PPP6R3: variants seen among roughly 807,000 people sequenced by gnomAD.
The protein encoded by PPP6R3 is protein phosphatase 6 regulatory subunit 3, also known as serine/threonine-protein phosphatase 6 regulatory subunit 3.
A neutral mutation model predicts 110.7 loss-of-function variants in PPP6R3; 38 were observed. The observed-to-expected ratio is 0.34, with a 90% confidence interval of 0.26 to 0.45. The LOEUF (loss-of-function observed/expected upper bound fraction) is 0.45, where lower values mean the gene tolerates loss of function less well. Among genes scored for constraint, PPP6R3 ranks in the 20% least tolerant of loss-of-function variants. The pLI, the probability that PPP6R3 is intolerant of heterozygous loss-of-function variation, is 1.00. For synonymous variants in PPP6R3, 369 were observed against 373.5 expected (o/e 0.99, Z 0.14); for missense variants, 870 against 1,062.4 (o/e 0.82, Z 2.52).
chr11:68,612,432 C>T (rs999528908), intron 23 of PPP6R3, among the ~76,000 whole-genome samples: 8 of 152,144 alleles, frequency 5.3e-5, no homozygotes, highest in Non-Finnish European at 1.0e-4. Flanking sequence ...TCAAGCCTTC[C>T]CGAATAGGTT....
chr11:68,470,868 G>A (rs1328549189), intron 1 of PPP6R3, among the ~76,000 whole-genome samples: 1 of 152,184 alleles, frequency 6.6e-6, no homozygotes, highest in Non-Finnish European at 1.5e-5. Flanking sequence ...GCGTGTGGAA[G>A]TAAGATCAGG....
At chr11:68,546,936 G>A (rs2099351497) in intron 4 of PPP6R3, among the ~76,000 whole-genome samples, 1 of 152,078 alleles carries the variant, frequency 6.6e-6, no homozygotes. Context: ...AAAACTTGTG[G>A]GATCCAATTG....
chr11:68,603,382 G>A lies in PPP6R3; in HGVS notation c.2340G>A (p.Glu780=). ...CCATGGAAGCCAGCTCTGACGGAGA[G>A]GAGGATGCAGAAAGTACAGACAAGG... ...SVAMEASSDG[E]EDAESTDKVT... The change falls in exon 22 of 24, where the codon GAG becomes GAA. Residue 780 remains glutamate, a synonymous_variant. Coordinates refer to ENST00000393800, the MANE Select transcript of PPP6R3 (RefSeq NM_001164161.2). The A allele has an allele frequency of 6.2e-7, 1 of 1,614,040 alleles. No individual in the cohort carries two copies. The highest frequency in any genetic ancestry group is 1.1e-5 in the South Asian group (1 of 91,082).
At chr11:68,602,050 C>A in intron 21 of PPP6R3, 81 bp downstream of exon 21, 1 of 1,122,148 alleles carries the variant, frequency 8.9e-7, no homozygotes, top group Non-Finnish European at 1.3e-6. Context: ...GGCTCAGGGG[C>A]TAGTGGAGCC....
chr11:68,482,452 G>GGT (rs1464923329), intron 1 of PPP6R3, among the ~76,000 whole-genome samples: 1 of 151,156 alleles, frequency 6.6e-6, no homozygotes, highest in Non-Finnish European at 1.5e-5. Context: ...CATAGAAAAT[G>GGT]ACTTTGGGTA....
At chr11:68,582,990 A>G in intron 14 of PPP6R3, 53 bp from the exon 15 acceptor site, 2 of 1,221,522 alleles carry the variant, frequency 1.6e-6, no homozygotes, top group Non-Finnish European at 2.3e-6. Flanking sequence ...TGCTGATACA[A>G]ATGTCCAAAA....
rs750084145 is a variant in PPP6R3 at position 68,588,018 on chromosome 11, T to C, written c.1724T>C (p.Ile575Thr). 6.2e-7 allele frequency: 1 copy of C among 1,613,198 alleles called. No individual in the cohort carries two copies. The highest frequency in any genetic ancestry group is 8.5e-7 in the Non-Finnish European group (1 of 1,179,108). ...GAGAAGTTTGCAGATCAAGATGACA[T>C]TGGCAAGTGAGTATGTTTTTCTGTT... ...NDEKFADQDDIGNVSFDRVSD... is the reference protein window; with the variant it reads ...NDEKFADQDDTGNVSFDRVSD... Residue 575 changes from isoleucine to threonine, a missense_variant, in exon 16 of 24, where the codon ATT becomes ACT. Ile to Thr is a moderately conservative substitution (Grantham distance 89). Transcript: ENST00000393800.
intron 1 of PPP6R3, among the ~76,000 whole-genome samples, chr11:68,498,673 A>G (rs550371845): frequency 5.3e-5 from 8 of 152,196 alleles, no homozygotes; most frequent in Non-Finnish European, 1.0e-4. Context: ...ACAGTTGATT[A>G]TTTGTTACTG....
chr11:68,564,191 T>TC (rs1419017247), intron 8 of PPP6R3, 112 bp from the exon 9 acceptor site: 3 of 1,155,330 alleles, frequency 2.6e-6, no homozygotes, highest in African/African-American at 1.6e-5. Context: ...TAGCCTTTTT[T>TC]CCCGCAGCCA....
At chr11:68,585,928 T>C (rs2099577124) in intron 15 of PPP6R3, among the ~76,000 whole-genome samples, 1 of 152,178 alleles carries the variant, frequency 6.6e-6, no homozygotes, top group Admixed American at 6.5e-5. Context: ...TTTCTTCCCC[T>C]TTACACCCAG....
intron 3 of PPP6R3, among the ~76,000 whole-genome samples, chr11:68,540,548 A>G (rs150181284): frequency 0.013 from 1,939 of 152,304 alleles, 22 homozygotes; most frequent in Non-Finnish European, 0.019. Flanking sequence ...ATAACATCTT[A>G]TCAGGAGACA....
At chr11:68,559,995 A>G (rs10896344) in intron 8 of PPP6R3, among the ~76,000 whole-genome samples, 103,183 of 104,920 alleles carry the variant, frequency 0.98, 50,729 homozygotes, top group Middle Eastern at 1. Flanking sequence ...CCACCCCAGC[A>G]GTACAGTACC....
intron 8 of PPP6R3, among the ~76,000 whole-genome samples, chr11:68,560,564 G>A (rs1016671209): frequency 6.6e-6 from 1 of 152,214 alleles, no homozygotes; most frequent in Non-Finnish European, 1.5e-5. Context: ...AACTTATATT[G>A]AAAACCTTTA....
rs1308360793 is a variant in PPP6R3, at chr11:68,466,436, T to TC, written c.-158+5609_-158+5610insC. Reference sequence around the variant, plus strand: ...CTATGCCTAGCTAGGACATTTTCTTTTTTTTTTTTTTTTTTTTGTTGAGAC... The same window carrying TC: ...CTATGCCTAGCTAGGACATTTTCTTTCTTTTTTTTTTTTTTTTTGTTGAGAC... On this transcript the variant is annotated intron_variant, in intron 1 of 23. Transcript: ENST00000393800. Among the ~76,000 whole-genome samples the TC allele has an allele frequency of 2.4e-3, 350 of 148,022 alleles. 2 individuals are homozygous for TC. The highest frequency in any genetic ancestry group is 8.3e-3 in the African/African-American group (334 of 40,178).
At chr11:68,595,780 C>G (rs2099612144) in intron 18 of PPP6R3, among the ~76,000 whole-genome samples, 1 of 152,196 alleles carries the variant, frequency 6.6e-6, no homozygotes, top group African/African-American at 2.4e-5. Flanking sequence ...TGCTCAACCT[C>G]CTTGGTCATT....
At chr11:68,527,949 T>A (rs2099209411) in intron 2 of PPP6R3, among the ~76,000 whole-genome samples, 1 of 152,202 alleles carries the variant, frequency 6.6e-6, no homozygotes, top group Non-Finnish European at 1.5e-5. Flanking sequence ...TCCTAAATGC[T>A]CCCTGTATTT....
At chr11:68,518,220 A>G (rs2099146523) in intron 1 of PPP6R3, among the ~76,000 whole-genome samples, 3 of 152,242 alleles carry the variant, frequency 2.0e-5, no homozygotes, top group Non-Finnish European at 4.4e-5. Context: ...TCCTCAGTTT[A>G]TAGTGAAGAA....
chr11:68,471,356 A>T lies in PPP6R3; in HGVS notation c.-158+10529A>T, dbSNP rs530277779. Among the ~76,000 whole-genome samples, 8 of 151,758 alleles carry T rather than the reference A, an allele frequency of 5.3e-5. No homozygotes were observed. The South Asian group carries it at 1.7e-3, about 32-fold the overall frequency. Reference sequence around the variant, plus strand: ...GTGGCATTTAACAGTCCCGAGGTTGAGTGAGGCACTGAAGGAATGAGGCTC... The same window carrying T: ...GTGGCATTTAACAGTCCCGAGGTTGTGTGAGGCACTGAAGGAATGAGGCTC... On this transcript the variant is annotated intron_variant, in intron 1 of 23. Coordinates refer to ENST00000393800, the MANE Select transcript of PPP6R3 (RefSeq NM_001164161.2).
chr11:68,532,557 A>T (rs1173427632), intron 2 of PPP6R3, among the ~76,000 whole-genome samples: 1 of 152,252 alleles, frequency 6.6e-6, no homozygotes, highest in African/African-American at 2.4e-5. Context: ...CCCTAATTTT[A>T]AGAACAGTCA....
Sources: allele counts gnomAD v4.1 joint callset (sites outside exome capture counted in the v4.1 genomes callset), GRCh38; gene constraint gnomAD v4.1.1; transcripts MANE v1.5; gene names NCBI Gene and HGNC (gene_info 2026-07-23, HGNC 2026-07-21).